Variants in PIP5K1B observed in about 807,000 individuals in gnomAD.
The protein encoded by PIP5K1B is phosphatidylinositol-4-phosphate 5-kinase type 1 beta, also known as phosphatidylinositol 4-phosphate 5-kinase type-1 beta.
In PIP5K1B, 42 loss-of-function variants were observed where a neutral mutation model predicts 67.0. The observed-to-expected ratio is 0.63, with a 90% CI of 0.49 to 0.81. The LOEUF (loss-of-function observed/expected upper bound fraction) is 0.81, where lower values mean the gene tolerates loss of function less well. Ranked by LOEUF, PIP5K1B falls within the 30% of genes least tolerant of loss-of-function variation. The pLI is 0.00. For synonymous variants in PIP5K1B, 214 were observed against 231.4 expected, an observed-to-expected ratio of 0.92 and a Z score of 0.68; for missense variants, 459 against 646.3, an observed-to-expected ratio of 0.71 and a Z score of 3.14.
intron 2 of PIP5K1B, chr9:68,786,224 A>G (rs1831606334): frequency 6.6e-6 from 1 of 152,176 alleles, no homozygotes; most frequent in African/African-American, 2.4e-5. Context: ...ATGGCCTGAT[A>G]ACGTGAGTTT....
chr9:68,810,060 T>G (rs1010079509), intron 2 of PIP5K1B, among the ~76,000 whole-genome samples: 1 of 152,254 alleles, frequency 6.6e-6, no homozygotes, highest in African/African-American at 2.4e-5. Context: ...CAAAAATGAT[T>G]GACTTTAACA....
intron 14 of PIP5K1B, among the ~76,000 whole-genome samples, chr9:68,946,550 G>T (rs777040188): frequency 2.6e-5 from 4 of 151,648 alleles, no homozygotes; most frequent in Non-Finnish European, 4.4e-5. Flanking sequence ...GTGCCACCAC[G>T]CCCGGCTAAT....
At chr9:68,849,752 A>G (rs538312053) in intron 4 of PIP5K1B, among the ~76,000 whole-genome samples, 1 of 152,360 alleles carries the variant, frequency 6.6e-6, no homozygotes, top group South Asian at 2.1e-4. Context: ...AACAGTTGAC[A>G]GTAGTTAACC....
chr9:68,925,234 C>T (rs1826630159), intron 12 of PIP5K1B, among the ~76,000 whole-genome samples: 1 of 151,646 alleles, frequency 6.6e-6, no homozygotes, highest in Non-Finnish European at 1.5e-5. Flanking sequence ...TTCAGATAAA[C>T]GTTGTGTCCA....
chr9:68,917,495 G>T (rs1239579211), intron 8 of PIP5K1B, 53 bp from the exon 9 acceptor site: 1 of 1,273,492 alleles, frequency 7.9e-7, no homozygotes, highest in Non-Finnish European at 1.1e-6. Flanking sequence ...ATGAGTAGAT[G>T]AGACGAACAG....
chr9:68,728,789 T>A (rs1828271854), intron 1 of PIP5K1B: 3 of 152,166 alleles, frequency 2.0e-5, no homozygotes. Context: ...ATTAGAGGGT[T>A]GAGTGAAGGG....
At chr9:68,777,459 G>A (rs1830974984) in intron 2 of PIP5K1B, among the ~76,000 whole-genome samples, 1 of 152,220 alleles carries the variant, frequency 6.6e-6, no homozygotes, top group Non-Finnish European at 1.5e-5. Context: ...TAGACTTGGT[G>A]TTGAGAACTG....
intron 4 of PIP5K1B, among the ~76,000 whole-genome samples, chr9:68,861,174 A>G (rs1334167306): frequency 6.6e-6 from 1 of 152,238 alleles, no homozygotes; most frequent in Non-Finnish European, 1.5e-5. Context: ...CTGAAAGGAA[A>G]GTAATATTAT....
intron 4 of PIP5K1B, among the ~76,000 whole-genome samples, chr9:68,844,323 C>T (rs570769798): frequency 6.6e-6 from 1 of 151,960 alleles, no homozygotes; most frequent in South Asian, 2.1e-4. Context: ...GCTGCAGAAA[C>T]CCACCACAGT....
chr9:69,005,208 G>A (rs1216648747), intron 15 of PIP5K1B, among the ~76,000 whole-genome samples: 1 of 151,718 alleles, frequency 6.6e-6, no homozygotes, highest in Non-Finnish European at 1.5e-5. Flanking sequence ...TTAATACTGA[G>A]GAGAGTATCT....
chr9:68,922,564 G>T (rs909552492), intron 11 of PIP5K1B, among the ~76,000 whole-genome samples: 1 of 152,044 alleles, frequency 6.6e-6, no homozygotes, highest in Non-Finnish European at 1.5e-5. Flanking sequence ...TTGGATACAT[G>T]ATTTGGATAA....
chr9:68,972,449 C>T (rs1328229866), intron 14 of PIP5K1B, among the ~76,000 whole-genome samples: 6 of 151,982 alleles, frequency 3.9e-5, no homozygotes, highest in Non-Finnish European at 5.9e-5. Flanking sequence ...AAGACCAGCC[C>T]GGCTAACGTG....
At chr9:68,958,331 C>T (rs1828508336) in intron 14 of PIP5K1B, among the ~76,000 whole-genome samples, 1 of 152,080 alleles carries the variant, frequency 6.6e-6, no homozygotes, top group African/African-American at 2.4e-5. Context: ...GTGATTGTGC[C>T]AAACACAGAC....
At chr9:68,832,611 G>A (rs568167298) in intron 4 of PIP5K1B, among the ~76,000 whole-genome samples, 4 of 152,322 alleles carry the variant, frequency 2.6e-5, no homozygotes, top group East Asian at 3.9e-4. Flanking sequence ...AAGATGGGCC[G>A]TGGGCTCTGT....
At chr9:68,818,744 T>TAA (rs991317562) in intron 3 of PIP5K1B, among the ~76,000 whole-genome samples, 199 bp downstream of exon 3, 1 of 149,170 alleles carries the variant, frequency 6.7e-6, no homozygotes, top group East Asian at 1.9e-4. Context: ...CCAGAAGGGT[T>TAA]AAAAAAAAAA....
At chr9:68,712,093 A>G (rs1454112108) in intron 1 of PIP5K1B, among the ~76,000 whole-genome samples, 1 of 152,250 alleles carries the variant, frequency 6.6e-6, no homozygotes. Context: ...AATTTGAGTC[A>G]TATGGATGGA....
At chr9:68,834,401 C>G (rs138421378) in intron 4 of PIP5K1B, among the ~76,000 whole-genome samples, 1 of 152,310 alleles carries the variant, frequency 6.6e-6, no homozygotes, top group East Asian at 1.9e-4. Flanking sequence ...CCCAGCCTCC[C>G]TCAGCACCCT....
At chr9:68,952,027 C>A (rs1005355882) in intron 14 of PIP5K1B, among the ~76,000 whole-genome samples, 4 of 152,186 alleles carry the variant, frequency 2.6e-5, no homozygotes, top group Non-Finnish European at 4.4e-5. Context: ...GTTCCCACCC[C>A]CTCCTCCTAC....
At chr9:68,743,113 C>T (rs1193264710) in intron 2 of PIP5K1B, among the ~76,000 whole-genome samples, 1 of 152,136 alleles carries the variant, frequency 6.6e-6, no homozygotes, top group African/African-American at 2.4e-5. Context: ...GAAACATAGT[C>T]CCTGCTTCAA....
Sources: allele counts gnomAD v4.1 joint callset (sites outside exome capture counted in the v4.1 genomes callset), GRCh38; gene constraint gnomAD v4.1.1; transcripts MANE v1.5; gene names NCBI Gene and HGNC (gene_info 2026-07-23, HGNC 2026-07-21).